Variants in ZNF615 observed in about 807,000 individuals in gnomAD.
ZNF615 encodes the protein zinc finger protein 615.
A neutral mutation model predicts 15.3 loss-of-function variants in ZNF615; 15 were observed. The ratio of observed to expected loss-of-function variants is 0.98; its 90% CI spans 0.66 to 1.51. The LOEUF is 1.51. Among genes scored for constraint, ZNF615 ranks in the 40% most tolerant of loss-of-function variants. ZNF615 has a pLI of 0.00. For synonymous variants in ZNF615, 268 were observed against 294.6 expected (o/e 0.91, Z 0.92); for missense variants, 848 against 895.9 (o/e 0.95, Z 0.68).
rs745756871 is a variant in ZNF615, at chr19:52,002,240, C to T, written c.57G>A (p.Trp19Ter). 1 of 1,614,208 alleles carries T rather than the reference C, an allele frequency of 6.2e-7. No individual in the cohort carries two copies. Among genetic ancestry groups the T allele is most frequent in the South Asian group, 1.1e-5 (1 of 91,084 alleles). ...CAGGGCTCAGGAACTGCCACTCCTC[C>T]CAGGTGAAGTCCACAGCCACATCCT... ...TLEDVAVDFT[W>*]EEWQFLSPAQ... The change falls in exon 4 of 7, where the codon TGG (tryptophan) becomes TGA (stop). Residue 19 changes from tryptophan (W) to a stop codon, truncating the protein, a stop_gained. Coordinates refer to ENST00000598071, the MANE Select transcript of ZNF615 (RefSeq NM_001199324.2). LOFTEE classifies it high-confidence loss of function.
chr19:52,001,011 C>A (rs1415590057), intron 5 of ZNF615, among the ~76,000 whole-genome samples: 1 of 151,468 alleles, frequency 6.6e-6, no homozygotes, highest in Non-Finnish European at 1.5e-5. Context: ...CAATCAGAGA[C>A]CAGGTTATCA....
rs1265866186 is a variant in ZNF615 at position 52,001,808 on chromosome 19, C to T, written c.238+5G>A. 6.2e-7 allele frequency: 1 copy of T among 1,613,820 alleles called. No individual in the cohort carries two copies. The highest frequency in any genetic ancestry group is 1.7e-5 in the Admixed American group (1 of 60,030). On this transcript the variant is annotated splice_donor_5th_base_variant and intron_variant, in intron 5 of 6. Transcript: ENST00000598071. ...GCTGTCCACCTGGCTGCTCCTCTCACTCACCAGAACAGATTCGAGAGTAGA... is the reference window on the plus strand; with the variant it reads ...GCTGTCCACCTGGCTGCTCCTCTCATTCACCAGAACAGATTCGAGAGTAGA...
Position 52,000,366 on chromosome 19 carries a change from G to T in ZNF615, c.251C>A (p.Ala84Glu). The T allele has an allele frequency of 1.6e-6, 1 of 627,884 alleles. No homozygotes were observed. The highest frequency in any genetic ancestry group is 2.9e-6 in the Non-Finnish European group (1 of 342,948). The allele number at this position is 627,884 out of a possible 1,614,324, so 38.9% of individuals were successfully genotyped here. ...CAAACCTGCATATGCACCTCCTGAT[G>T]CACCTCCTGAATCTAAAATAAAAAC... Reference protein sequence around the residue: ...YSRICSDSGGASGGAYAEIRK... With the variant: ...YSRICSDSGGESGGAYAEIRK... The change falls in exon 6 of 7, where the codon GCA becomes GAA. Residue 84 changes from alanine (A) to glutamate (E), a missense_variant. Ala to Glu is a moderately radical substitution (Grantham distance 107). Coordinates refer to ENST00000598071, the MANE Select transcript of ZNF615 (RefSeq NM_001199324.2).
Position 51,993,212 on chromosome 19 carries a change from T to C in ZNF615, c.1897A>G (p.Lys633Glu), listed in dbSNP as rs756640690. The C allele has an allele frequency of 6.2e-7, 1 of 1,614,260 alleles. No homozygotes were observed. The highest frequency in any genetic ancestry group is 1.7e-5 in the Admixed American group (1 of 60,032). ...SIHQQTHTGE[K>E]PYKCNECDKT... The stretch of plus-strand genomic sequence containing the variant: ...TCACATTCATTGCATTTGTATGGCT[T>C]CTCTCCAGTATGAGTTTGCTGATGT... Residue 633 changes from lysine to glutamate, a missense_variant, in exon 7 of 7, where the codon AAG (lysine) becomes GAG (glutamate). Physicochemically the swap from Lys to Glu is moderately conservative, Grantham distance 56. Coordinates refer to ENST00000598071, the MANE Select transcript of ZNF615 (RefSeq NM_001199324.2).
At chr19:52,005,127 C>T (rs910293276) in intron 2 of ZNF615, among the ~76,000 whole-genome samples, 6 of 152,048 alleles carry the variant, frequency 3.9e-5, no homozygotes, top group African/African-American at 1.4e-4. Flanking sequence ...GGCATGGTAG[C>T]GCGTGCCTAT....
chr19:52,003,808 A>C lies in ZNF615; in HGVS notation c.-97T>G. ...TTTCGGTTCAAAAACTTCAATCTCC[A>C]ATCAAGGATGTCCCCAGAAATGATG... is the stretch of plus-strand genomic sequence containing the variant. On this transcript the variant is annotated 5_prime_UTR_variant, in exon 3 of 7. In the 5' UTR this introduces an upstream ATG that the reference lacks. Coordinates refer to ENST00000598071, the MANE Select transcript of ZNF615 (RefSeq NM_001199324.2). 5 of 1,579,804 alleles carry C rather than the reference A, an allele frequency of 3.2e-6. No individual in the cohort carries two copies. The highest frequency in any genetic ancestry group is 1.4e-5 in the African/African-American group (1 of 73,570).
At chr19:52,003,561 T>G in intron 3 of ZNF615, 136 bp downstream of exon 3, 1 of 775,722 alleles carries the variant, frequency 1.3e-6, no homozygotes, top group Non-Finnish European at 2.1e-6. Flanking sequence ...AATATATCCC[T>G]GATCCTTCTT....
intron 2 of ZNF615, 44 bp from the exon 3 acceptor site, chr19:52,003,944 A>C: frequency 7.7e-7 from 1 of 1,292,774 alleles, no homozygotes; most frequent in Non-Finnish European, 9.9e-7. Context: ...TTTTAGGCCC[A>C]GATGTTGTCA....
At chr19:51,997,287 A>G (rs560693857) in intron 6 of ZNF615, among the ~76,000 whole-genome samples, 9 of 152,354 alleles carry the variant, frequency 5.9e-5, no homozygotes, top group African/African-American at 2.2e-4. Context: ...CCTGGGTAAC[A>G]GAGTAGAAAA....
chr19:52,001,984 T>A, intron 4 of ZNF615, 76 bp from the exon 5 acceptor site: 1 of 1,596,466 alleles, frequency 6.3e-7, no homozygotes, highest in Non-Finnish European at 8.6e-7. Flanking sequence ...AGTTACATTT[T>A]AAGGACTACA....
chr19:51,995,394 GGA>G (rs1453740493), intron 6 of ZNF615, among the ~76,000 whole-genome samples: 1 of 151,906 alleles, frequency 6.6e-6, no homozygotes. Flanking sequence ...CTTTTTGCAG[GGA>G]ACCCCAAAAT....
intron 6 of ZNF615, among the ~76,000 whole-genome samples, chr19:51,997,872 C>G (rs1404473958): frequency 1.3e-5 from 2 of 152,218 alleles, no homozygotes; most frequent in African/African-American, 4.8e-5. Context: ...TTGACAAACA[C>G]TGTTGCAGGG....
At chr19:52,000,285 G>A in intron 6 of ZNF615, 61 bp downstream of exon 6, 1 of 564,720 alleles carries the variant, frequency 1.8e-6, no homozygotes, top group Non-Finnish European at 3.2e-6. Context: ...TCACTACTTG[G>A]GTGACAGGAT....
intron 6 of ZNF615, among the ~76,000 whole-genome samples, chr19:51,996,402 A>AAAAAAAAAAAC (rs1555771241): frequency 7.4e-5 from 10 of 134,364 alleles, no homozygotes; most frequent in South Asian, 2.6e-4. Context: ...AAAAAAAAAA[A>AAAAAAAAAAAC]AAAAAACGCA....
intron 5 of ZNF615, among the ~76,000 whole-genome samples, chr19:52,001,261 T>C (rs766872607): frequency 2.6e-5 from 4 of 151,944 alleles, no homozygotes; most frequent in Non-Finnish European, 2.9e-5. Flanking sequence ...TTGAAAATCC[T>C]AAGAAGATAA....
intron 3 of ZNF615, 37 bp from the exon 4 acceptor site, chr19:52,002,318 C>G: frequency 1.9e-6 from 3 of 1,612,978 alleles, no homozygotes; most frequent in Non-Finnish European, 2.5e-6. Flanking sequence ...AAGTCATATT[C>G]TTTTGGTGAT....
At chr19:52,007,516 G>T (rs956771227) in intron 1 of ZNF615, among the ~76,000 whole-genome samples, 186 bp from the exon 2 acceptor site, 3 of 152,124 alleles carry the variant, frequency 2.0e-5, no homozygotes, top group Non-Finnish European at 2.9e-5. Flanking sequence ...AAAACCAGTC[G>T]TGGAGAAGGG....
intron 3 of ZNF615, 176 bp from the exon 4 acceptor site, chr19:52,002,457 A>G: frequency 1.1e-6 from 1 of 887,030 alleles, no homozygotes; most frequent in East Asian, 2.7e-5. Flanking sequence ...GCGGTCATCC[A>G]TTCATTCAAC....
rs1474596885 is a variant in ZNF615, at chr19:51,998,683, G to C, written c.271+1663C>G. On this transcript the variant is annotated intron_variant, in intron 6 of 6. Coordinates refer to ENST00000598071, the MANE Select transcript of ZNF615 (RefSeq NM_001199324.2). ...AGTTTTGGGTGTGTGGTGGAGGCAG[G>C]GGGGTTTGTCATCCAGCCTGGAGTG... Among the ~76,000 whole-genome samples the C allele has an allele frequency of 3.9e-5, 6 of 152,124 alleles. No homozygotes were observed. The East Asian group carries it at 1.2e-3, about 29-fold the overall frequency.
Sources: gnomAD v4.1 joint callset for allele counts (sites outside exome capture counted in the v4.1 genomes callset) on GRCh38, gnomAD v4.1.1 for gene constraint, MANE v1.5 for transcripts, NCBI Gene and HGNC (gene_info 2026-07-23, HGNC 2026-07-21) for gene names.